ATP6AP1: variants seen among roughly 807,000 people sequenced by gnomAD.
ATP6AP1 encodes the protein ATPase H+ transporting accessory protein 1.
A neutral mutation model predicts 32.0 loss-of-function variants in ATP6AP1; 1 was observed. The observed-to-expected ratio is 0.03, with a 90% CI of 0.01 to 0.15. The LOEUF is 0.15. ATP6AP1 is among the 10% of genes least tolerant of loss of function. ATP6AP1 has a pLI of 1.00. For missense variants in ATP6AP1, 297 were observed against 398.8 expected (o/e 0.74, Z 2.17); for synonymous variants, 187 against 174.9 (o/e 1.07, Z -0.55).
chrX:154,432,528 G>A, intron 4 of ATP6AP1, 69 bp downstream of exon 4: 1 of 1,096,202 alleles, frequency 9.1e-7, no homozygotes, highest in South Asian at 2.3e-5. Context: ...GCTATGGCAT[G>A]TGGTGGCACC....
intron 2 of ATP6AP1, 29 bp downstream of exon 2, chrX:154,429,203 G>A (rs782586448): frequency 8.3e-7 from 1 of 1,206,843 alleles, no homozygotes; most frequent in Non-Finnish European, 1.1e-6. Flanking sequence ...ACTCTCCCCC[G>A]GTCATCGGGA....
At position 154,435,739 on chromosome X, in the gene ATP6AP1, T is replaced by C. The variant is rs373493591; in HGVS notation, c.1261T>C (p.Phe421Leu). 2.6e-5 allele frequency: 31 copies of C among 1,210,254 alleles called. No individual in the cohort carries two copies. Among genetic ancestry groups the C allele is most frequent in the African/African-American group, 5.2e-5 (3 of 57,156 alleles). The change falls in exon 10 of 10, where the codon TTC becomes CTC. Residue 421 changes from phenylalanine (F) to leucine (L), a missense_variant. Phe to Leu is a conservative substitution (Grantham distance 22, BLOSUM62 0). Transcript: ENST00000369762. The stretch of plus-strand genomic sequence containing the variant: ...CTCCTACGCCAGCGACTGTGCCAGC[T>C]TCTTCTCCCCCGGCATCTGGATGGG... ...QFSYASDCAS[F>L]FSPGIWMGLL...
chrX:154,432,406 G>C lies in ATP6AP1; in HGVS notation c.504G>C (p.Lys168Asn), dbSNP rs1557196964. 4 of 1,205,147 alleles carry C rather than the reference G, an allele frequency of 3.3e-6. No homozygotes were observed. The African/African-American group carries it at 5.2e-5, about 16-fold the overall frequency. The part of the protein sequence containing the change: ...HVDLATLREL[K>N]LNASLPALLL... ...ACCTGGCCACCCTGCGGGAGCTGAA[G>C]CTCAATGCCAGCCTCCCTGCTCTGC... Residue 168 changes from lysine (K) to asparagine (N), a missense_variant, in exon 4 of 10, where the codon AAG becomes AAC. Physicochemically the swap from Lys to Asn is moderately conservative, Grantham distance 94. This residue lies in a region of ATP6AP1 where 142 missense variants were observed against 145.0 expected (regional missense o/e 0.98). Coordinates refer to ENST00000369762, the MANE Select transcript of ATP6AP1 (RefSeq NM_001183.6).
chrX:154,428,788 G>T lies in ATP6AP1; in HGVS notation c.96G>T (p.Leu32Phe). The change falls in exon 1 of 10, where the codon TTG becomes TTT. Residue 32 changes from leucine (L) to phenylalanine (F), a missense_variant. This residue lies in a region of ATP6AP1 where 142 missense variants were observed against 145.0 expected (regional missense o/e 0.98). Coordinates refer to ENST00000369762, the MANE Select transcript of ATP6AP1 (RefSeq NM_001183.6). ...RMPWLPVFLS[L>F]AAAAAAAAAE... ...CGTGGCTGCCGGTGTTTTTGTCGTT[G>T]GCGGCGGCGGCGGCGGCGGCAGCGG... 1 of 1,083,275 alleles carries T rather than the reference G, an allele frequency of 9.2e-7. No individual in the cohort carries two copies. The allele number at this position is 1,083,275 out of a possible 1,213,427, so 89.3% of individuals were successfully genotyped here. A position where few individuals can be genotyped will look rare whatever the true frequency, so the allele number is the denominator to read the frequency against.
Position 154,428,712 on chromosome X carries a change from C to T in ATP6AP1, c.20C>T (p.Thr7Met), listed in dbSNP as rs1557196215. Residue 7 changes from threonine to methionine, a missense_variant, in exon 1 of 10, where the codon ACG (threonine) becomes ATG (methionine). Physicochemically the swap from Thr to Met is moderately conservative, Grantham distance 81 (BLOSUM62 -1). This residue lies in a region of ATP6AP1 where 142 missense variants were observed against 145.0 expected (regional missense o/e 0.98). Coordinates refer to ENST00000369762, the MANE Select transcript of ATP6AP1 (RefSeq NM_001183.6). ...GAGGCTATGATGGCGGCCATGGCGA[C>T]GGCTCGAGTGCGGATGGGGCCGCGG... The part of the protein sequence containing the change: MMAAMA[T>M]ARVRMGPRCA... 3 of 1,150,157 alleles carry T rather than the reference C, an allele frequency of 2.6e-6. No individual in the cohort carries two copies. Among genetic ancestry groups the T allele is most frequent in the African/African-American group, 1.8e-5 (1 of 54,350 alleles). The allele number at this position is 1,150,157 out of a possible 1,213,427, so 94.8% of individuals were successfully genotyped here. A position where few individuals can be genotyped will look rare whatever the true frequency, so the allele number is the denominator to read the frequency against.
chrX:154,432,868 G>C, intron 4 of ATP6AP1, 63 bp from the exon 5 acceptor site: 1 of 1,169,451 alleles, frequency 8.6e-7, no homozygotes, highest in Non-Finnish European at 1.2e-6. Context: ...GGTCGGGGAA[G>C]GGTAGTGGGC....
In ATP6AP1 at chrX:154,435,931, G is replaced by A; in HGVS notation, c.*40G>A. On this transcript the variant is annotated 3_prime_UTR_variant, in exon 10 of 10. Coordinates refer to ENST00000369762, the MANE Select transcript of ATP6AP1 (RefSeq NM_001183.6). Reference sequence around the variant, plus strand: ...GGGGGTTGAGGGTGGGACGGTGTCCGTGTTGTTGCTTTCCCACCCTGCAGC... The same window carrying A: ...GGGGGTTGAGGGTGGGACGGTGTCCATGTTGTTGCTTTCCCACCCTGCAGC... 8.7e-7 allele frequency: 1 copy of A among 1,155,465 alleles called. No individual in the cohort carries two copies. Among genetic ancestry groups the A allele is most frequent in the Non-Finnish European group, 1.2e-6 (1 of 846,767 alleles).
In ATP6AP1 at chrX:154,435,148, G is replaced by A. The variant is rs782126375; in HGVS notation, c.933G>A (p.Leu311=). The A allele has an allele frequency of 8.3e-7, 1 of 1,209,493 alleles. No individual in the cohort carries two copies. Among genetic ancestry groups the A allele is most frequent in the South Asian group, 1.8e-5 (1 of 56,536 alleles). Residue 311 remains leucine, a synonymous_variant, in exon 8 of 10, where the codon CTG becomes CTA. Transcript: ENST00000369762. ...FWNDSFARLS[L]TYERLFGTTV... ...TTCTCTGGCCCCACAGGCTCTCACT[G>A]ACCTATGAACGACTCTTTGGTACCA...
intron 6 of ATP6AP1, 72 bp from the exon 7 acceptor site, chrX:154,434,136 G>T: frequency 9.7e-7 from 1 of 1,028,733 alleles, no homozygotes. Context: ...GGGAAGGAGG[G>T]CACGACAATT....
At chrX:154,429,226 C>T (rs1408936396) in intron 2 of ATP6AP1, 52 bp downstream of exon 2, 6 of 1,184,934 alleles carry the variant, frequency 5.1e-6, no homozygotes, top group Non-Finnish European at 6.8e-6. Flanking sequence ...CAGCCAGGCC[C>T]CCTCCCCCCA....
chrX:154,431,565 G>T, intron 2 of ATP6AP1: 1 of 337,933 alleles, frequency 3.0e-6, no homozygotes, highest in Non-Finnish European at 5.1e-6. Context: ...TCCTACTCCT[G>T]AGTTACCACA....
At position 154,432,261 on chromosome X, in the gene ATP6AP1, C is replaced by T. The variant is rs782098373; in HGVS notation, c.364-5C>T. The T allele has an allele frequency of 8.4e-6, 10 of 1,193,483 alleles. No individual in the cohort carries two copies. Among genetic ancestry groups the T allele is most frequent in the Admixed American group, 6.7e-5 (3 of 44,951 alleles). On this transcript the variant is annotated splice_region_variant and splice_polypyrimidine_tract_variant and intron_variant, in intron 3 of 9. Transcript: ENST00000369762. ...ACTCACCTTTTGCCTCTCCCCTGTCCCCAGAATGCCCTGGACCTGGCCCCC... is the reference window on the plus strand; with the variant it reads ...ACTCACCTTTTGCCTCTCCCCTGTCTCCAGAATGCCCTGGACCTGGCCCCC...
At chrX:154,428,979 A>G (rs1439864694) in intron 1 of ATP6AP1, 69 bp from the exon 2 acceptor site, 3 of 1,180,048 alleles carry the variant, frequency 2.5e-6, no homozygotes, top group Non-Finnish European at 3.4e-6. Context: ...CTCGCAGCGA[A>G]TCTGCCGGCG....
chrX:154,432,186 G>A (rs1292209514), intron 3 of ATP6AP1, 80 bp from the exon 4 acceptor site: 1 of 968,623 alleles, frequency 1.0e-6, no homozygotes, highest in Non-Finnish European at 1.4e-6. Flanking sequence ...CCAGAGGAGA[G>A]CTGCCAGAGA....
intron 5 of ATP6AP1, 46 bp downstream of exon 5, chrX:154,433,017 T>C: frequency 1.7e-6 from 2 of 1,192,004 alleles, no homozygotes; most frequent in Non-Finnish European, 2.3e-6. Flanking sequence ...AGCCCTTGGG[T>C]GGGGGCCACA....
At position 154,434,224 on chromosome X, in the gene ATP6AP1, C is replaced by A. The variant is rs377763063; in HGVS notation, c.701C>A (p.Ala234Asp). 8.3e-6 allele frequency: 10 copies of A among 1,209,462 alleles called. No homozygotes were observed. In the African/African-American group the frequency reaches 1.6e-4, roughly 19 times the overall value. ...TTTCTGCAGGTGGCCCGTGATGTAG[C>A]CGTGGTGGCCGGAGGGCTAGGTCGC... ...VRPSRVARDV[A>D]VVAGGLGRQL... is the part of the protein sequence containing the mutation. The change falls in exon 7 of 10, where the codon GCC (alanine) becomes GAC (aspartate). Residue 234 changes from alanine to aspartate, a missense_variant. Ala to Asp is a moderately radical substitution (Grantham distance 126, BLOSUM62 -2). Coordinates refer to ENST00000369762, the MANE Select transcript of ATP6AP1 (RefSeq NM_001183.6).
At chrX:154,431,399 G>T (rs781971015) in intron 2 of ATP6AP1, 2 of 139,209 alleles carry the variant, frequency 1.4e-5, no homozygotes, top group East Asian at 2.1e-4. Flanking sequence ...AAAAGCAGGT[G>T]GGGGGAGGGT....
At chrX:154,431,797 C>T in intron 2 of ATP6AP1, 33 bp from the exon 3 acceptor site, 1 of 1,200,740 alleles carries the variant, frequency 8.3e-7, no homozygotes, top group Non-Finnish European at 1.1e-6. Context: ...ACTTGCCAAA[C>T]CTCCTCAGAT....
intron 5 of ATP6AP1, 71 bp downstream of exon 5, chrX:154,433,042 G>C (rs868919992): frequency 7.9e-6 from 9 of 1,134,445 alleles, no homozygotes; most frequent in Middle Eastern, 2.4e-4. Context: ...GAGCTGGCCT[G>C]CAGTTCCTCG....
Sources: gnomAD v4.1 joint callset for allele counts on GRCh38, gnomAD v4.1.1 for gene constraint, gnomAD v4.1.1 regional missense constraint, MANE v1.5 for transcripts, NCBI Gene and HGNC (gene_info 2026-07-23, HGNC 2026-07-21) for gene names.